ERCC1: variants seen among roughly 807,000 people sequenced by gnomAD.
ERCC1 encodes the protein DNA excision repair protein ERCC-1.
A neutral mutation model predicts 37.6 loss-of-function variants in ERCC1; 36 were observed. The observed-to-expected ratio is 0.96, with a 90% confidence interval of 0.73 to 1.26. ERCC1 has a LOEUF of 1.26. ERCC1 is among the 50% of genes most tolerant of loss of function. ERCC1 has a pLI of 0.00. For synonymous variants in ERCC1, 156 were observed against 162.1 expected, an observed-to-expected ratio of 0.96 and a Z score of 0.28; for missense variants, 349 against 376.5, an observed-to-expected ratio of 0.93 and a Z score of 0.60.
chr19:45,407,367 T>G lies in ERCC1; in HGVS notation c.*2308A>C. 1 of 809,808 alleles carries G rather than the reference T, an allele frequency of 1.2e-6. No homozygotes were observed. 50.2% of individuals were successfully genotyped at this position (809,808 alleles called of 1,614,324 possible). On this transcript the variant is annotated 3_prime_UTR_variant, in exon 10 of 10. Coordinates refer to ENST00000300853, the MANE Select transcript of ERCC1 (RefSeq NM_001983.4). ...AAGAAACAAGTTTATTGGAAACTACTCCTTTACAGAGTAGAGTGTCCTCAG... is the reference window on the plus strand; with the variant it reads ...AAGAAACAAGTTTATTGGAAACTACGCCTTTACAGAGTAGAGTGTCCTCAG...
chr19:45,415,029 A>G, intron 6 of ERCC1, 69 bp from the exon 7 acceptor site: 1 of 1,258,266 alleles, frequency 7.9e-7, no homozygotes, highest in South Asian at 1.2e-5. Context: ...CATTATGGTC[A>G]GTCATAAGAA....
In ERCC1 at chr19:45,419,335, G is replaced by A. The variant is rs952769874; in HGVS notation, c.426-138C>T. 38 of 692,152 alleles carry A rather than the reference G, an allele frequency of 5.5e-5. No individual in the cohort carries two copies. The African/African-American group carries it at 5.8e-4, about 11-fold the overall frequency. 42.9% of individuals were successfully genotyped at this position (692,152 alleles called of 1,614,324 possible). A position where few individuals can be genotyped will look rare whatever the true frequency, so the allele number is the denominator to read the frequency against. On this transcript the variant is annotated intron_variant, in intron 4 of 9. Transcript: ENST00000300853. ...GGGTCCTGAGGCCCACAGAGGGTAA[G>A]TCACTTGCCCCAGGTCACTCTTCCA...
At position 45,423,901 on chromosome 19, in the gene ERCC1, G is replaced by A. The variant is rs372444203; in HGVS notation, c.-128C>T. The A allele has an allele frequency of 3.6e-6, 4 of 1,104,850 alleles. No individual in the cohort carries two copies. Among genetic ancestry groups the A allele is most frequent in the Non-Finnish European group, 3.3e-6 (3 of 901,076 alleles). The allele number at this position is 1,104,850 out of a possible 1,614,324, so 68.4% of individuals were successfully genotyped here. A position where few individuals can be genotyped will look rare whatever the true frequency, so the allele number is the denominator to read the frequency against. Reference sequence around the variant, plus strand: ...CTGCCAGCACGGCCAGCGTGGCCCAGGGCTCGCAGCACTTCCGGCCTCTCT... The same window carrying A: ...CTGCCAGCACGGCCAGCGTGGCCCAAGGCTCGCAGCACTTCCGGCCTCTCT... On this transcript the variant is annotated 5_prime_UTR_variant, in exon 1 of 10. Coordinates refer to ENST00000300853, the MANE Select transcript of ERCC1 (RefSeq NM_001983.4).
In ERCC1 at chr19:45,421,365, C is replaced by G. The variant is rs748960032; in HGVS notation, c.134G>C (p.Ser45Thr). The change falls in exon 3 of 10, where the codon AGC (serine) becomes ACC (threonine). Residue 45 changes from serine (S) to threonine (T), a missense_variant. Ser to Thr is a moderately conservative substitution (Grantham distance 58). Coordinates refer to ENST00000300853, the MANE Select transcript of ERCC1 (RefSeq NM_001983.4). ...VAKPLFRSTQ[S>T]LPTVDTSAQA... The stretch of plus-strand genomic sequence containing the variant: ...GGCCGAGGTGTCCACAGTGGGAAGG[C>G]TCTGTGTAGATCGGAATAAGGGCTT... 28 of 1,613,376 alleles carry G rather than the reference C, an allele frequency of 1.7e-5. No homozygotes were observed. Among genetic ancestry groups the G allele is most frequent in the Non-Finnish European group, 2.3e-5 (27 of 1,179,824 alleles).
At chr19:45,431,055 C>T (rs1440084394) in intron 1 of ERCC1, among the ~76,000 whole-genome samples, 5 of 152,110 alleles carry the variant, frequency 3.3e-5, no homozygotes, top group African/African-American at 7.2e-5. Flanking sequence ...CGTGTTCAAG[C>T]GATTCTCCCG....
At chr19:45,431,145 G>A (rs1319537077) in intron 1 of ERCC1, among the ~76,000 whole-genome samples, 1 of 152,096 alleles carries the variant, frequency 6.6e-6, no homozygotes, top group Non-Finnish European at 1.5e-5. Context: ...AGTAGAAACG[G>A]GGTTTCACCA....
intron 7 of ERCC1, chr19:45,414,474 C>CT: frequency 3.3e-6 from 1 of 299,530 alleles, no homozygotes; most frequent in East Asian, 9.0e-5. Flanking sequence ...GAGACTCCAT[C>CT]TCAAAAAAAA....
At chr19:45,418,303 T>A (rs1321906280) in intron 5 of ERCC1, among the ~76,000 whole-genome samples, 1 of 151,620 alleles carries the variant, frequency 6.6e-6, no homozygotes, top group African/African-American at 2.4e-5. Context: ...GAGCCAAGAT[T>A]GCACCACTAC....
rs767329376 is a variant in ERCC1 at position 45,408,316 on chromosome 19, G to C, written c.*1359C>G. On this transcript the variant is annotated 3_prime_UTR_variant, in exon 10 of 10. Transcript: ENST00000300853. The stretch of plus-strand genomic sequence containing the variant: ...CCTCAGCCCCCCAGGGCACCCTAAG[G>C]ATCCTTGAGGGTCCCCAGCAATCCC... 5.6e-6 allele frequency: 9 copies of C among 1,610,912 alleles called. No individual in the cohort carries two copies. The highest frequency in any genetic ancestry group is 6.8e-6 in the Non-Finnish European group (8 of 1,177,906).
intron 1 of ERCC1, among the ~76,000 whole-genome samples, chr19:45,434,676 C>T (rs779931342): frequency 6.6e-5 from 10 of 152,140 alleles, no homozygotes; most frequent in Non-Finnish European, 1.3e-4. Flanking sequence ...ACCTTCGCCT[C>T]CCGGGTTCAA....
intron 7 of ERCC1, 52 bp downstream of exon 7, chr19:45,414,809 C>T: frequency 7.6e-7 from 1 of 1,322,982 alleles, no homozygotes; most frequent in African/African-American, 1.4e-5. Flanking sequence ...AGCTCAACCA[C>T]CCAGGAGCTG....
At chr19:45,421,126 A>C (rs1026507090) in intron 3 of ERCC1, 52 bp downstream of exon 3, 3 of 1,492,250 alleles carry the variant, frequency 2.0e-6, no homozygotes, top group South Asian at 2.3e-5. Context: ...TCCCTAGAAC[A>C]GCGTTTCCCA....
At position 45,409,361 on chromosome 19, in the gene ERCC1, A is replaced by G. The variant is rs1342563495; in HGVS notation, c.*314T>C. 4 of 1,614,002 alleles carry G rather than the reference A, an allele frequency of 2.5e-6. No homozygotes were observed. The highest frequency in any genetic ancestry group is 3.4e-6 in the Non-Finnish European group (4 of 1,180,032). On this transcript the variant is annotated 3_prime_UTR_variant, in exon 10 of 10. Transcript: ENST00000300853. Reference sequence around the variant, plus strand: ...TCCGGGATCCACCAAGAAGAGGAAGAAGCAGAGTCAGGAAAGCCGGATGCC... The same window carrying G: ...TCCGGGATCCACCAAGAAGAGGAAGGAGCAGAGTCAGGAAAGCCGGATGCC...
chr19:45,413,837 A>T, intron 8 of ERCC1, 92 bp from the exon 9 acceptor site: 1 of 1,592,328 alleles, frequency 6.3e-7, no homozygotes, highest in Non-Finnish European at 8.6e-7. Context: ...CCCAGGGGAG[A>T]TGAGGGCCTG....
chr19:45,409,761 A>G (rs1340048153), intron 9 of ERCC1, 36 bp from the exon 10 acceptor site: 1 of 767,436 alleles, frequency 1.3e-6, no homozygotes, highest in Admixed American at 1.8e-5. Flanking sequence ...GGAACCAGTC[A>G]TTAAAGGAGC....
At chr19:45,427,678 A>G (rs2038821955), upstream of ERCC1, among the ~76,000 whole-genome samples, 1 of 152,196 alleles carries the variant, frequency 6.6e-6, no homozygotes, top group South Asian at 2.1e-4. Flanking sequence ...CGATTCTAGA[A>G]GTAGGTCATC....
intron 1 of ERCC1, among the ~76,000 whole-genome samples, chr19:45,431,785 G>A (rs1158096551): frequency 6.6e-6 from 1 of 151,932 alleles, no homozygotes; most frequent in Non-Finnish European, 1.5e-5. Context: ...CAGCTGCTTG[G>A]GAGGTTGAGG....
intron 2 of ERCC1, among the ~76,000 whole-genome samples, chr19:45,422,723 C>T (rs1000865793): frequency 1.3e-5 from 2 of 152,104 alleles, no homozygotes; most frequent in African/African-American, 4.8e-5. Context: ...TGCCAGTGCA[C>T]TCCAGCCTGG....
chr19:45,437,949 C>G (rs1309804793), intron 1 of ERCC1, among the ~76,000 whole-genome samples: 1 of 151,622 alleles, frequency 6.6e-6, no homozygotes, highest in Non-Finnish European at 1.5e-5. Flanking sequence ...GCTCTGCTGC[C>G]CAGGCTGGAG....
Sources: gnomAD v4.1 joint callset for allele counts (sites outside exome capture counted in the v4.1 genomes callset) on GRCh38, gnomAD v4.1.1 for gene constraint, MANE v1.5 for transcripts, NCBI Gene and HGNC (gene_info 2026-07-23, HGNC 2026-07-21) for gene names.